VPS50: variants seen among roughly 807,000 people sequenced by gnomAD.
VPS50 encodes VPS50 subunit of EARP/GARPII complex.
Under a neutral mutation model 139.7 loss-of-function variants are expected in VPS50, and 70 were observed. The ratio of observed to expected loss-of-function variants is 0.50; its 90% CI spans 0.41 to 0.61. The LOEUF is 0.61. Ranked by LOEUF, VPS50 falls within the 20% of genes least tolerant of loss-of-function variation. VPS50 has a pLI of 0.00. For synonymous variants in VPS50, 365 were observed against 376.7 expected, an observed-to-expected ratio of 0.97 and a Z score of 0.36; for missense variants, 921 against 1,133.7, an observed-to-expected ratio of 0.81 and a Z score of 2.69.
chr7:93,347,003 C>A (rs955088139), intron 23 of VPS50, among the ~76,000 whole-genome samples: 144 of 141,892 alleles, frequency 1.0e-3, no homozygotes, highest in Middle Eastern at 6.4e-3. Context: ...AGAGCTTCTG[C>A]ACAGCAAAAG....
intron 2 of VPS50, among the ~76,000 whole-genome samples, chr7:93,242,478 GAT>G (rs147627921): frequency 0.026 from 3,794 of 148,498 alleles, 73 homozygotes; most frequent in Non-Finnish European, 0.039. Context: ...TTAACTTGGT[GAT>G]ATATATATAT....
rs766459593 is a variant in VPS50, at chr7:93,335,023, G to A, written c.2058+826G>A. The stretch of plus-strand genomic sequence containing the variant: ...TTATGTGCTTACCTCTGTTATTGAA[G>A]CTTTTTATAAAGCCATGATTATTAA... On this transcript the variant is annotated intron_variant, in intron 22 of 27. Coordinates refer to ENST00000305866, the MANE Select transcript of VPS50 (RefSeq NM_017667.4). 7.0e-4 allele frequency among the ~76,000 whole-genome samples: 107 copies of A among 152,020 alleles called. 2 individuals carry two copies. Among genetic ancestry groups the A allele is most frequent in the Non-Finnish European group, 4.1e-4 (28 of 68,006 alleles).
At chr7:93,352,144 G>A (rs1423719253) in intron 25 of VPS50, among the ~76,000 whole-genome samples, 1 of 151,992 alleles carries the variant, frequency 6.6e-6, no homozygotes, top group Non-Finnish European at 1.5e-5. Flanking sequence ...ATGTTATTTT[G>A]TACACAAAGC....
Position 93,252,672 on chromosome 7 carries a change from G to A in VPS50, c.122G>A (p.Arg41Gln), listed in dbSNP as rs766861850. 48 of 1,600,270 alleles carry A rather than the reference G, an allele frequency of 3.0e-5. 1 individual carries two copies. Among genetic ancestry groups the A allele is most frequent in the South Asian group, 1.0e-4 (9 of 88,966 alleles). The part of the protein sequence containing the change: ...VPGKEEFREL[R>Q]EQPSDPQAEQ... Reference sequence around the variant, plus strand: ...TTAAAGGAAGAATTCAGGGAACTTCGAGAACAGCCAAGTGACCCTCAAGCT... The same window carrying A: ...TTAAAGGAAGAATTCAGGGAACTTCAAGAACAGCCAAGTGACCCTCAAGCT... The change falls in exon 3 of 28, where the codon CGA becomes CAA. Residue 41 changes from arginine (R) to glutamine (Q), a missense_variant. Arg to Gln is a conservative substitution (Grantham distance 43). Transcript: ENST00000305866.
chr7:93,270,769 A>AT (rs916036712), intron 9 of VPS50, among the ~76,000 whole-genome samples: 1 of 151,616 alleles, frequency 6.6e-6, no homozygotes, highest in Non-Finnish European at 1.5e-5. Context: ...ATTTTTAGCC[A>AT]TTTTTTTCAT....
chr7:93,305,923 G>A lies in VPS50; in HGVS notation c.1548G>A (p.Gln516=), dbSNP rs1797102769. Residue 516 remains glutamine, a synonymous_variant, in exon 18 of 28, where the codon CAG becomes CAA. Transcript: ENST00000305866. The stretch of plus-strand genomic sequence containing the variant: ...CAAAAACAGTGACCTTGTTTGAGCA[G>A]TACTGTAGTGGTGGGAATCCATTTG... ...TSSKTVTLFE[Q]YCSGGNPFEI... is the part of the protein sequence containing the mutation. The A allele has an allele frequency of 6.2e-7, 1 of 1,611,978 alleles. No individual in the cohort carries two copies. Among genetic ancestry groups the A allele is most frequent in the Non-Finnish European group, 8.5e-7 (1 of 1,178,248 alleles).
chr7:93,295,747 C>T (rs971228848), intron 14 of VPS50, among the ~76,000 whole-genome samples: 1 of 151,472 alleles, frequency 6.6e-6, no homozygotes, highest in African/African-American at 2.4e-5. Context: ...TTGATTGAGA[C>T]AGGGTCTCAC....
chr7:93,260,759 G>C (rs1006162823), intron 9 of VPS50, among the ~76,000 whole-genome samples: 5 of 151,838 alleles, frequency 3.3e-5, no homozygotes, highest in African/African-American at 9.7e-5. Flanking sequence ...GCAGTGGCGT[G>C]ATCTTGGCTC....
chr7:93,266,401 A>G (rs560972383), intron 9 of VPS50, among the ~76,000 whole-genome samples: 33 of 152,324 alleles, frequency 2.2e-4, no homozygotes, highest in Admixed American at 6.5e-4. Context: ...GGGAAAGATC[A>G]TTAAGATATT....
At chr7:93,249,200 A>G (rs1224321141) in intron 2 of VPS50, among the ~76,000 whole-genome samples, 2 of 152,074 alleles carry the variant, frequency 1.3e-5, no homozygotes, top group African/African-American at 4.8e-5. Context: ...CAGATTCATC[A>G]TGTTTTTGAA....
intron 5 of VPS50, 36 bp downstream of exon 5, chr7:93,256,598 T>C: frequency 8.7e-7 from 1 of 1,149,298 alleles, no homozygotes; most frequent in Admixed American, 2.6e-5. Context: ...TAGTAGAATT[T>C]TTAAATGTTT....
chr7:93,307,000 T>C (rs1797134916), intron 18 of VPS50, among the ~76,000 whole-genome samples: 2 of 151,886 alleles, frequency 1.3e-5, no homozygotes, highest in Non-Finnish European at 2.9e-5. Context: ...GAGAGGAATT[T>C]AAAGTCATTC....
chr7:93,311,330 G>T, intron 20 of VPS50, 58 bp downstream of exon 20: 2 of 815,320 alleles, frequency 2.5e-6, no homozygotes, highest in Non-Finnish European at 4.3e-6. Context: ...GTTACCGAAT[G>T]ACTTTTACTT....
intron 17 of VPS50, among the ~76,000 whole-genome samples, chr7:93,305,170 T>C (rs1393503838): frequency 6.6e-6 from 1 of 151,936 alleles, no homozygotes; most frequent in Non-Finnish European, 1.5e-5. Context: ...AGCTGTGTGA[T>C]GTTGAACTTT....
intron 25 of VPS50, among the ~76,000 whole-genome samples, chr7:93,353,368 A>G (rs1328004696): frequency 1.3e-5 from 2 of 152,200 alleles, no homozygotes; most frequent in African/African-American, 4.8e-5. Flanking sequence ...GATATTGGAC[A>G]TTGTTAACAT....
chr7:93,285,956 C>T (rs982920975), intron 12 of VPS50, among the ~76,000 whole-genome samples: 1 of 152,064 alleles, frequency 6.6e-6, no homozygotes, highest in African/African-American at 2.4e-5. Context: ...TGTATGTTGT[C>T]TCTGTTATAG....
At chr7:93,294,298 A>C (rs539580918) in intron 13 of VPS50, among the ~76,000 whole-genome samples, 1 of 150,674 alleles carries the variant, frequency 6.6e-6, no homozygotes. Context: ...TAGAATCCCA[A>C]CTCAGTCACA....
At chr7:93,296,980 C>T in intron 15 of VPS50, 144 bp downstream of exon 15, 1 of 1,433,380 alleles carries the variant, frequency 7.0e-7, no homozygotes, top group Non-Finnish European at 9.1e-7. Context: ...TTAAATATTT[C>T]TGCCCTTTGG....
At chr7:93,247,680 G>A (rs532317645) in intron 2 of VPS50, among the ~76,000 whole-genome samples, 12 of 151,926 alleles carry the variant, frequency 7.9e-5, no homozygotes, top group Admixed American at 3.3e-4. Context: ...TGAGGGAAGA[G>A]CTATATTTTA....
Sources: gnomAD v4.1 joint callset for allele counts (sites outside exome capture counted in the v4.1 genomes callset) on GRCh38, gnomAD v4.1.1 for gene constraint, MANE v1.5 for transcripts, NCBI Gene and HGNC (gene_info 2026-07-23, HGNC 2026-07-21) for gene names.